CLIP2: variants seen among roughly 807,000 people sequenced by gnomAD.
CLIP2 encodes the protein CAP-Gly domain-containing linker protein 2.
A neutral mutation model predicts 111.7 loss-of-function variants in CLIP2; 41 were observed. The ratio of observed to expected loss-of-function variants is 0.37; its 90% CI spans 0.29 to 0.48. The LOEUF is 0.48. CLIP2 is among the 20% of genes least tolerant of loss of function. The pLI, the probability that CLIP2 is intolerant of heterozygous loss-of-function variation, is 0.99. For missense variants in CLIP2, 1,160 were observed against 1,422.1 expected, an observed-to-expected ratio of 0.82 and a Z score of 2.96; for synonymous variants, 660 against 644.2, an observed-to-expected ratio of 1.02 and a Z score of -0.37.
At chr7:74,397,591 C>T (rs1408750770) in intron 14 of CLIP2, among the ~76,000 whole-genome samples, 1 of 150,872 alleles carries the variant, frequency 6.6e-6, no homozygotes, top group Non-Finnish European at 1.5e-5. Flanking sequence ...GGGCTTCACA[C>T]ATCAGTCTCA....
At chr7:74,354,250 C>T (rs868927801) in intron 4 of CLIP2, among the ~76,000 whole-genome samples, 5 of 152,108 alleles carry the variant, frequency 3.3e-5, no homozygotes, top group South Asian at 2.1e-4. Flanking sequence ...CACAGGCAAG[C>T]GCCAAGAGAA....
intron 1 of CLIP2, among the ~76,000 whole-genome samples, chr7:74,298,896 C>A (rs1209218162): frequency 1.3e-5 from 2 of 152,106 alleles, no homozygotes; most frequent in African/African-American, 4.8e-5. Flanking sequence ...AGAGGAAGGG[C>A]ATTCTAGGAA....
At chr7:74,339,081 C>T in intron 3 of CLIP2, 77 bp downstream of exon 3, 7 of 1,404,350 alleles carry the variant, frequency 5.0e-6, no homozygotes, top group Non-Finnish European at 6.7e-6. Flanking sequence ...CGAAGCTGGA[C>T]CCCCCTGGGC....
intron 1 of CLIP2, among the ~76,000 whole-genome samples, chr7:74,306,863 G>A (rs947198672): frequency 4.6e-5 from 7 of 152,174 alleles, no homozygotes; most frequent in Non-Finnish European, 1.5e-5. Context: ...GGCTCTCTCT[G>A]GGCCAAGGGC....
intron 6 of CLIP2, among the ~76,000 whole-genome samples, chr7:74,359,074 C>T (rs1790237509): frequency 2.0e-5 from 3 of 151,874 alleles, no homozygotes; most frequent in Admixed American, 1.3e-4. Context: ...AGCAATTCTC[C>T]TGCCTCAGCG....
At chr7:74,342,469 C>G (rs1789683667) in intron 3 of CLIP2, among the ~76,000 whole-genome samples, 1 of 152,154 alleles carries the variant, frequency 6.6e-6, no homozygotes, top group South Asian at 2.1e-4. Context: ...AGAGGCTGAC[C>G]TGGGTGACCC....
chr7:74,401,506 C>T lies in CLIP2; in HGVS notation c.3068C>T (p.Thr1023Ile). ...CAGTGTCTCCCCTAACTCTTCCAGACCATCGGCAATTCCGGTTCTGCAAAC... is the reference window on the plus strand; with the variant it reads ...CAGTGTCTCCCCTAACTCTTCCAGATCATCGGCAATTCCGGTTCTGCAAAC... ...AMRSCPDKAQTIGNSGSANGI... is the reference protein window; with the variant it reads ...AMRSCPDKAQIIGNSGSANGI... The change falls in exon 16 of 17, where the codon ACC becomes ATC. Residue 1023 changes from threonine (T) to isoleucine (I), a missense_variant and splice_region_variant. Around this residue, in one of 5 missense-constraint regions of CLIP2, gnomAD observed 676 missense variants for 777.8 expected, o/e 0.87. Transcript: ENST00000223398. 3 of 1,614,072 alleles carry T rather than the reference C, an allele frequency of 1.9e-6. No individual in the cohort carries two copies. Among genetic ancestry groups the T allele is most frequent in the Non-Finnish European group, 2.5e-6 (3 of 1,179,984 alleles).
At chr7:74,322,889 C>T (rs1789001893) in intron 2 of CLIP2, among the ~76,000 whole-genome samples, 1 of 151,854 alleles carries the variant, frequency 6.6e-6, no homozygotes, top group African/African-American at 2.4e-5. Flanking sequence ...CACCACCATG[C>T]CCAGCTGATT....
chr7:74,349,470 G>GTGTATATA (rs1181485819), intron 3 of CLIP2, among the ~76,000 whole-genome samples: 46 of 33,772 alleles, frequency 1.4e-3, no homozygotes, highest in South Asian at 3.6e-3. Context: ...GTGTGTGTGT[G>GTGTATATA]TATATATATA....
At chr7:74,367,136 C>T (rs1554310983) in intron 8 of CLIP2, among the ~76,000 whole-genome samples, 1 of 152,088 alleles carries the variant, frequency 6.6e-6, no homozygotes, top group Non-Finnish European at 1.5e-5. Flanking sequence ...TAACTAACTA[C>T]ATGTGCAAGA....
intron 2 of CLIP2, among the ~76,000 whole-genome samples, chr7:74,319,323 C>T (rs1355547750): frequency 1.3e-5 from 2 of 151,110 alleles, no homozygotes; most frequent in African/African-American, 4.9e-5. Flanking sequence ...ACCAGCCTGG[C>T]CAACATGGTG....
intron 1 of CLIP2, among the ~76,000 whole-genome samples, chr7:74,308,059 C>G (rs546763922): frequency 3.3e-5 from 5 of 152,156 alleles, no homozygotes; most frequent in African/African-American, 1.2e-4. Context: ...ACAGCATACT[C>G]TCTCCTCCTT....
chr7:74,302,833 C>T (rs1206206914), intron 1 of CLIP2, among the ~76,000 whole-genome samples: 3 of 152,240 alleles, frequency 2.0e-5, no homozygotes, highest in African/African-American at 7.2e-5. Flanking sequence ...CCTATCCCCA[C>T]GCTGGCTGTC....
chr7:74,349,469 T>G, intron 3 of CLIP2, among the ~76,000 whole-genome samples: 1 of 55,530 alleles, frequency 1.8e-5, no homozygotes, highest in Non-Finnish European at 3.5e-5. Flanking sequence ...TGTGTGTGTG[T>G]GTATATATAT....
At chr7:74,322,114 C>T (rs1380722043) in intron 2 of CLIP2, among the ~76,000 whole-genome samples, 2 of 151,174 alleles carry the variant, frequency 1.3e-5, no homozygotes, top group Non-Finnish European at 2.9e-5. Context: ...GCCTCAGCCT[C>T]CTGAGTAGCT....
intron 1 of CLIP2, among the ~76,000 whole-genome samples, chr7:74,293,480 T>G (rs1788083753): frequency 6.6e-6 from 1 of 152,158 alleles, no homozygotes; most frequent in South Asian, 2.1e-4. Flanking sequence ...CTCCTTCATC[T>G]TGGGGTGCAG....
intron 11 of CLIP2, among the ~76,000 whole-genome samples, chr7:74,382,801 G>C (rs1238985203): frequency 6.6e-6 from 1 of 151,808 alleles, no homozygotes; most frequent in Non-Finnish European, 1.5e-5. Flanking sequence ...GCCAGGTATG[G>C]TGGCTCACAC....
intron 1 of CLIP2, among the ~76,000 whole-genome samples, chr7:74,301,389 G>A (rs73131329): frequency 2.2e-5 from 2 of 92,016 alleles, no homozygotes; most frequent in Non-Finnish European, 2.9e-5. Context: ...TATTATTATT[G>A]TTATTATTAT....
At chr7:74,393,429 T>TGC (rs1166565340) in intron 13 of CLIP2, among the ~76,000 whole-genome samples, 2 of 151,806 alleles carry the variant, frequency 1.3e-5, no homozygotes, top group Non-Finnish European at 2.9e-5. Context: ...CTCCACCTCC[T>TGC]AGGTTCAAGT....
Sources: gnomAD v4.1 joint callset for allele counts (sites outside exome capture counted in the v4.1 genomes callset) on GRCh38, gnomAD v4.1.1 for gene constraint, gnomAD v4.1.1 regional missense constraint, MANE v1.5 for transcripts, NCBI Gene and HGNC (gene_info 2026-07-23, HGNC 2026-07-21) for gene names.